Variants in ZFHX4 observed in about 807,000 individuals in gnomAD.
ZFHX4 encodes the protein zinc finger homeobox protein 4.
A neutral mutation model predicts 267.6 loss-of-function variants in ZFHX4; 56 were observed. The observed-to-expected ratio is 0.21, with a 90% CI of 0.17 to 0.26. The LOEUF is 0.26. ZFHX4 is among the 10% of genes least tolerant of loss of function. The pLI, the probability that ZFHX4 is intolerant of heterozygous loss-of-function variation, is 1.00. For missense variants in ZFHX4, 4,332 were observed against 4,420.0 expected, an observed-to-expected ratio of 0.98 and a Z score of 0.56; for synonymous variants, 1,778 against 1,665.6, an observed-to-expected ratio of 1.07 and a Z score of -1.64.
chr8:76,813,732 C>A (rs1811434654), intron 4 of ZFHX4, among the ~76,000 whole-genome samples: 1 of 152,070 alleles, frequency 6.6e-6, no homozygotes, highest in Admixed American at 6.6e-5. Context: ...CTCTAGGTTA[C>A]ATTTGTCTGT....
chr8:76,819,690 G>A (rs772991871), intron 4 of ZFHX4, among the ~76,000 whole-genome samples: 23 of 152,182 alleles, frequency 1.5e-4, no homozygotes, highest in Non-Finnish European at 3.4e-4. Context: ...TTGTGCAACC[G>A]TTTCACGGGT....
chr8:76,708,249 T>C (rs1808333175), intron 3 of ZFHX4: 1 of 670,092 alleles, frequency 1.5e-6, no homozygotes, highest in Admixed American at 2.9e-5. Context: ...TTTTACCCTA[T>C]GTCTCACTTA....
rs756674757 is a variant in ZFHX4 at position 76,855,228 on chromosome 8, C to A, written c.8307C>A (p.Ser2769Arg). 1 of 1,612,130 alleles carries A rather than the reference C, an allele frequency of 6.2e-7. No homozygotes were observed. The highest frequency in any genetic ancestry group is 8.5e-7 in the Non-Finnish European group (1 of 1,179,260). The stretch of plus-strand genomic sequence containing the variant: ...AGCTGTCACCGAAGAATCTTTTAAG[C>A]CCTTCTTCTTTTAAAGCAGAGTGTT... ...TAELSPKNLL[S>R]PSSFKAECSE... The change falls in exon 10 of 11, where the codon AGC (serine) becomes AGA (arginine). Residue 2769 changes from serine to arginine, a missense_variant. Coordinates refer to ENST00000651372, the MANE Select transcript of ZFHX4 (RefSeq NM_024721.5).
intron 2 of ZFHX4, 106 bp from the exon 3 acceptor site, chr8:76,707,440 G>A (rs2131613585): frequency 9.7e-7 from 1 of 1,035,646 alleles, no homozygotes; most frequent in East Asian, 2.6e-5. Context: ...TATAGTTTAA[G>A]CTCTAGAGAA....
chr8:76,792,683 C>T (rs1241701259), intron 4 of ZFHX4, among the ~76,000 whole-genome samples: 1 of 152,128 alleles, frequency 6.6e-6, no homozygotes, highest in African/African-American at 2.4e-5. Flanking sequence ...TTCTTCACAA[C>T]ATTTTAGGAG....
At position 76,852,835 on chromosome 8, in the gene ZFHX4, T is replaced by G. The variant is rs1182288754; in HGVS notation, c.5914T>G (p.Phe1972Val). The G allele has an allele frequency of 1.2e-6, 2 of 1,613,832 alleles. No individual in the cohort carries two copies. The highest frequency in any genetic ancestry group is 1.6e-4 in the Middle Eastern group (1 of 6,062). The change falls in exon 10 of 11, where the codon TTT becomes GTT. Residue 1972 changes from phenylalanine to valine, a missense_variant. By Grantham distance (50) the Phe-to-Val change is conservative. Coordinates refer to ENST00000651372, the MANE Select transcript of ZFHX4 (RefSeq NM_024721.5). The part of the protein sequence containing the change: ...KSHQEHVHGQ[F>V]FPYAALEKFA... ...TCACCAAGAACATGTACATGGGCAA[T>G]TTTTTCCATATGCAGCGCTAGAAAA...
chr8:76,716,854 G>T (rs1313696172), intron 3 of ZFHX4, among the ~76,000 whole-genome samples: 2 of 152,132 alleles, frequency 1.3e-5, no homozygotes, highest in Admixed American at 1.3e-4. Context: ...TGGGTATTTG[G>T]TATATTAAAT....
rs1258492138 is a variant in ZFHX4, at chr8:76,778,420, T to C, written c.3306T>C (p.Asp1102=). 2 of 1,613,516 alleles carry C rather than the reference T, an allele frequency of 1.2e-6. No individual in the cohort carries two copies. The highest frequency in any genetic ancestry group is 1.7e-6 in the Non-Finnish European group (2 of 1,179,794). ...TCAGTGAGATCTTTTTTGTTAAAGATTGCCCACCAAATGAGCTTGGTGAGT... is the reference window on the plus strand; with the variant it reads ...TCAGTGAGATCTTTTTTGTTAAAGACTGCCCACCAAATGAGCTTGGTGAGT... The part of the protein sequence containing the change: ...DNLSEIFFVK[D]CPPNELETAS... The change falls in exon 4 of 11, where the codon GAT becomes GAC. Residue 1102 remains aspartate (D), a synonymous_variant. Transcript: ENST00000651372.
intron 3 of ZFHX4, among the ~76,000 whole-genome samples, chr8:76,710,560 T>TA (rs2131619611): frequency 6.6e-6 from 1 of 152,356 alleles, no homozygotes. Context: ...GGCTAGACAG[T>TA]AATCTCCTCT....
chr8:76,697,440 A>T (rs1807988362), intron 1 of ZFHX4, among the ~76,000 whole-genome samples: 1 of 152,164 alleles, frequency 6.6e-6, no homozygotes, highest in Non-Finnish European at 1.5e-5. Flanking sequence ...GTTATCAACT[A>T]CGCACTCTTA....
chr8:76,815,608 C>T (rs1811485098), intron 4 of ZFHX4, among the ~76,000 whole-genome samples: 1 of 151,992 alleles, frequency 6.6e-6, no homozygotes, highest in Admixed American at 6.6e-5. Context: ...CTCAAGTGAT[C>T]CTCCTGCCTC....
chr8:76,865,681 G>A lies in ZFHX4; in HGVS notation c.*1116G>A, dbSNP rs1306345684. 4 of 152,356 alleles carry A rather than the reference G, an allele frequency of 2.6e-5. No homozygotes were observed. Among genetic ancestry groups the A allele is most frequent in the Non-Finnish European group, 4.4e-5 (3 of 67,994 alleles). The allele number at this position is 152,356 out of a possible 1,614,324, so 9.4% of individuals were successfully genotyped here. A position where few individuals can be genotyped will look rare whatever the true frequency, so the allele number is the denominator to read the frequency against. On this transcript the variant is annotated 3_prime_UTR_variant, in exon 11 of 11. Transcript: ENST00000651372. ...TTATGAAAAGGTATATTTGCTTCTCGGGAAAGCAAAGAAGCTGCTTTAAAA... is the reference window on the plus strand; with the variant it reads ...TTATGAAAAGGTATATTTGCTTCTCAGGAAAGCAAAGAAGCTGCTTTAAAA...
Position 76,853,712 on chromosome 8 carries a change from A to G in ZFHX4, c.6791A>G (p.Asn2264Ser), listed in dbSNP as rs1332032603. 10 of 1,613,624 alleles carry G rather than the reference A, an allele frequency of 6.2e-6. No individual in the cohort carries two copies. The highest frequency in any genetic ancestry group is 8.5e-6 in the Non-Finnish European group (10 of 1,179,826). The change falls in exon 10 of 11, where the codon AAT becomes AGT. Residue 2264 changes from asparagine (N) to serine (S), a missense_variant. Asn to Ser is a conservative substitution (Grantham distance 46). This residue lies in a region of ZFHX4 where 62 missense variants were observed against 69.8 expected (regional missense o/e 0.89). Coordinates refer to ENST00000651372, the MANE Select transcript of ZFHX4 (RefSeq NM_024721.5). The stretch of plus-strand genomic sequence containing the variant: ...ATAGAACAACTCTCCACTGTTCTCA[A>G]TCTGCCTACCCGGGTTATTGTTGTA... ...DEIEQLSTVL[N>S]LPTRVIVVWF... is the part of the protein sequence containing the mutation.
Position 76,778,411 on chromosome 8 carries a change from T to C in ZFHX4, c.3297T>C (p.Phe1099=). Reference sequence around the variant, plus strand: ...AGGACAACCTCAGTGAGATCTTTTTTGTTAAAGATTGCCCACCAAATGAGC... The same window carrying C: ...AGGACAACCTCAGTGAGATCTTTTTCGTTAAAGATTGCCCACCAAATGAGC... The part of the protein sequence containing the change: ...PEEDNLSEIF[F]VKDCPPNELE... The change falls in exon 4 of 11, where the codon TTT becomes TTC. Residue 1099 remains phenylalanine, a synonymous_variant. Transcript: ENST00000651372. The C allele has an allele frequency of 6.2e-7, 1 of 1,613,768 alleles. No homozygotes were observed. Among genetic ancestry groups the C allele is most frequent in the Non-Finnish European group, 8.5e-7 (1 of 1,179,798 alleles).
At chr8:76,840,336 A>G (rs1197980928) in intron 5 of ZFHX4, among the ~76,000 whole-genome samples, 1 of 152,146 alleles carries the variant, frequency 6.6e-6, no homozygotes, top group Non-Finnish European at 1.5e-5. Flanking sequence ...CGTCTATCCC[A>G]CAATCTTTCC....
At chr8:76,746,475 A>T (rs1585904379) in intron 3 of ZFHX4, among the ~76,000 whole-genome samples, 3 of 152,334 alleles carry the variant, frequency 2.0e-5, no homozygotes, top group East Asian at 3.9e-4. Flanking sequence ...TAAGCAGAGA[A>T]TTAAAGCAGG....
At chr8:76,789,235 C>A (rs571984842) in intron 4 of ZFHX4, among the ~76,000 whole-genome samples, 3 of 152,190 alleles carry the variant, frequency 2.0e-5, no homozygotes, top group African/African-American at 7.2e-5. Context: ...TGACTGTCTA[C>A]AAAATGGTAA....
Position 76,705,975 on chromosome 8 carries a change from T to A in ZFHX4, c.1887T>A (p.Gly629=). The part of the protein sequence containing the change: ...DTVLGSSRSL[G]GHMTMMHSRN... The stretch of plus-strand genomic sequence containing the variant: ...TGTTGGGGTCTTCGAGGTCTCTTGG[T>A]GGTCATATGACTATGATGCACTCGA... The change falls in exon 2 of 11, where the codon GGT becomes GGA. Residue 629 remains glycine (G), a synonymous_variant. Transcript: ENST00000651372. The A allele has an allele frequency of 1.9e-6, 3 of 1,612,944 alleles. No individual in the cohort carries two copies. The highest frequency in any genetic ancestry group is 2.5e-6 in the Non-Finnish European group (3 of 1,179,548).
intron 3 of ZFHX4, among the ~76,000 whole-genome samples, chr8:76,722,127 T>C (rs985288345): frequency 6.6e-6 from 1 of 152,110 alleles, no homozygotes; most frequent in Non-Finnish European, 1.5e-5. Context: ...ATGTGGCTGA[T>C]TGACATGGGT....
Sources: allele counts gnomAD v4.1 joint callset (sites outside exome capture counted in the v4.1 genomes callset), GRCh38; gene constraint gnomAD v4.1.1; regional missense constraint gnomAD v4.1.1; transcripts MANE v1.5; gene names NCBI Gene and HGNC (gene_info 2026-07-23, HGNC 2026-07-21).